The following COL19A1 variants were observed in gnomAD, a reference collection of about 807,000 sequenced individuals.
COL19A1 encodes collagen alpha-1(XIX) chain.
In COL19A1, 159 loss-of-function variants were observed where a neutral mutation model predicts 190.2. The ratio of observed to expected loss-of-function variants is 0.84; its 90% CI spans 0.73 to 0.95. The LOEUF is 0.95. COL19A1 is among the 40% of genes least tolerant of loss of function. COL19A1 has a pLI of 0.00. For synonymous variants in COL19A1, 509 were observed against 458.9 expected (o/e 1.11, Z -1.39); for missense variants, 1,418 against 1,431.9 (o/e 0.99, Z 0.16).
At chr6:69,906,426 A>C (rs1222081488) in intron 4 of COL19A1, among the ~76,000 whole-genome samples, 1 of 152,110 alleles carries the variant, frequency 6.6e-6, no homozygotes, top group Admixed American at 6.5e-5. Flanking sequence ...CTGGAGCCAT[A>C]GTGGGTTTAA....
chr6:69,956,799 G>A (rs1334089176), intron 9 of COL19A1, among the ~76,000 whole-genome samples: 2 of 152,030 alleles, frequency 1.3e-5, no homozygotes, highest in Non-Finnish European at 2.9e-5. Flanking sequence ...GAATGGGGAA[G>A]TATGATATAT....
intron 4 of COL19A1, among the ~76,000 whole-genome samples, chr6:69,924,052 A>G (rs1772185793): frequency 6.6e-6 from 1 of 152,172 alleles, no homozygotes; most frequent in Admixed American, 6.5e-5. Context: ...TGACAGGTAG[A>G]GTCTAATTTC....
chr6:70,211,775 AT>A lies in COL19A1; in HGVS notation c.*4504del, dbSNP rs1312723936. Among the ~76,000 whole-genome samples the A allele has an allele frequency of 9.9e-5, 15 of 152,036 alleles. No individual in the cohort carries two copies. The highest frequency in any genetic ancestry group is 2.1e-4 in the Non-Finnish European group (14 of 67,996). ...AAAATAATGCTAGAGTAACTGATCA[AT>A]TTGGTTAAATTGAATGAAGAACCAA... On this transcript the variant is annotated 3_prime_UTR_variant, in exon 51 of 51. Coordinates refer to ENST00000620364, the MANE Select transcript of COL19A1 (RefSeq NM_001858.6).
chr6:70,068,426 T>C lies in COL19A1; in HGVS notation c.1174T>C (p.Ser392Pro). 1 of 1,592,404 alleles carries C rather than the reference T, an allele frequency of 6.3e-7. No homozygotes were observed. The highest frequency in any genetic ancestry group is 1.1e-5 in the South Asian group (1 of 90,568). ...ATGTGTCTCTTTTTCCTCATAGGGTTCCCTGGGGATACAAGGCCCCCAAGG... is the reference window on the plus strand; with the variant it reads ...ATGTGTCTCTTTTTCCTCATAGGGTCCCCTGGGGATACAAGGCCCCCAAGG... ...GPPGPPALPG[S>P]LGIQGPQGPP... The change falls in exon 15 of 51, where the codon TCC (serine) becomes CCC (proline). Residue 392 changes from serine to proline, a missense_variant. Coordinates refer to ENST00000620364, the MANE Select transcript of COL19A1 (RefSeq NM_001858.6).
chr6:69,937,555 C>G lies in COL19A1; in HGVS notation c.874-483C>G, dbSNP rs76861212. On this transcript the variant is annotated intron_variant, in intron 8 of 50. Transcript: ENST00000620364. ...TGTCTTGGTGGCTTTTTCCAGTGCC[C>G]ATACCTGAGGAAAGGAGAACTTGCC... 5.5e-3 allele frequency among the ~76,000 whole-genome samples: 832 copies of G among 152,138 alleles called. 18 individuals are homozygous for G. The East Asian group carries it at 0.068, about 12-fold the overall frequency.
At chr6:70,018,011 G>A (rs1778213485) in intron 11 of COL19A1, among the ~76,000 whole-genome samples, 1 of 152,052 alleles carries the variant, frequency 6.6e-6, no homozygotes, top group Non-Finnish European at 1.5e-5. Flanking sequence ...AGCTGGAAAT[G>A]ACAGGATATA....
At chr6:69,946,788 C>G (rs184506374) in intron 9 of COL19A1, among the ~76,000 whole-genome samples, 1 of 151,908 alleles carries the variant, frequency 6.6e-6, no homozygotes, top group East Asian at 1.9e-4. Flanking sequence ...ACTCTTTGAT[C>G]AAAATTTATG....
At chr6:70,022,857 A>G (rs780715399) in intron 11 of COL19A1, among the ~76,000 whole-genome samples, 4 of 152,106 alleles carry the variant, frequency 2.6e-5, no homozygotes, top group African/African-American at 4.8e-5. Flanking sequence ...GACAGTTAGG[A>G]TGCTTCTCTT....
At chr6:70,106,336 G>A (rs1001137894) in intron 16 of COL19A1, among the ~76,000 whole-genome samples, 18 of 151,846 alleles carry the variant, frequency 1.2e-4, no homozygotes, top group Non-Finnish European at 1.6e-4. Context: ...GTGCGTGTGT[G>A]TGTGTGTGTG....
At chr6:69,903,639 A>G (rs953124031) in intron 4 of COL19A1, among the ~76,000 whole-genome samples, 7 of 152,158 alleles carry the variant, frequency 4.6e-5, no homozygotes, top group African/African-American at 7.2e-5. Context: ...CTGCTTTTCT[A>G]TCAAGGAATA....
At chr6:69,942,390 T>C (rs1582473659) in intron 9 of COL19A1, among the ~76,000 whole-genome samples, 1 of 152,300 alleles carries the variant, frequency 6.6e-6, no homozygotes, top group Non-Finnish European at 1.5e-5. Context: ...TTCAAGATTT[T>C]CTCTTTTAGC....
chr6:70,028,137 AG>A (rs1778825961), intron 12 of COL19A1, among the ~76,000 whole-genome samples: 1 of 152,210 alleles, frequency 6.6e-6, no homozygotes. Flanking sequence ...ACAGATTAAC[AG>A]GAGAAAAGGC....
chr6:70,190,332 T>G lies in COL19A1; in HGVS notation c.3045T>G (p.Phe1015Leu), dbSNP rs770110401. The G allele has an allele frequency of 6.2e-7, 1 of 1,606,614 alleles. No individual in the cohort carries two copies. Among genetic ancestry groups the G allele is most frequent in the Non-Finnish European group, 8.5e-7 (1 of 1,174,454 alleles). The stretch of plus-strand genomic sequence containing the variant: ...TTCTTCAGGCTGATGCAGTTTCATT[T>G]GAAGAAATAAAGAAGTATATTAATC... ...IPGIPADAVS[F>L]EEIKKYINQE... The change falls in exon 48 of 51, where the codon TTT becomes TTG. Residue 1015 changes from phenylalanine to leucine, a missense_variant. Transcript: ENST00000620364.
chr6:70,146,656 TAGGG>T lies in COL19A1; in HGVS notation c.1771-1_1773del. ...ATATGTATTCATACTTTTTTTCTTT[TAGGG>T]ATTAGATGGAAATCCTGGAGCACCT... On this transcript the variant is annotated splice_acceptor_variant and coding_sequence_variant, in exon 26 of 51. Coordinates refer to ENST00000620364, the MANE Select transcript of COL19A1 (RefSeq NM_001858.6). LOFTEE classifies it high-confidence loss of function. The T allele has an allele frequency of 1.2e-6, 2 of 1,603,804 alleles. No individual in the cohort carries two copies. The highest frequency in any genetic ancestry group is 1.7e-6 in the Non-Finnish European group (2 of 1,175,584).
intron 11 of COL19A1, among the ~76,000 whole-genome samples, chr6:70,016,925 C>T (rs1778143217): frequency 6.6e-6 from 1 of 152,006 alleles, no homozygotes; most frequent in Non-Finnish European, 1.5e-5. Context: ...TGTAAAATGG[C>T]ACTTTGGAAA....
At chr6:70,025,077 TGCAGTG>T (rs1225845579) in intron 12 of COL19A1, among the ~76,000 whole-genome samples, 1 of 149,454 alleles carries the variant, frequency 6.7e-6, no homozygotes, top group African/African-American at 2.5e-5. Flanking sequence ...CAGGCTGGAG[TGCAGTG>T]GCAGTGGCAT....
intron 49 of COL19A1, 120 bp from the exon 50 acceptor site, chr6:70,206,781 C>T (rs976644595): frequency 2.6e-6 from 2 of 770,124 alleles, no homozygotes; most frequent in Non-Finnish European, 4.1e-6. Context: ...AGCTAATATA[C>T]TATTTATTTT....
intron 31 of COL19A1, among the ~76,000 whole-genome samples, chr6:70,152,244 G>A (rs1319539335): frequency 1.3e-5 from 2 of 151,294 alleles, no homozygotes; most frequent in Non-Finnish European, 2.9e-5. Context: ...ACACACACAC[G>A]CACACACACA....
intron 30 of COL19A1, 99 bp downstream of exon 30, chr6:70,150,144 T>C: frequency 6.8e-6 from 8 of 1,182,996 alleles, no homozygotes; most frequent in Non-Finnish European, 1.0e-5. Flanking sequence ...ATTAGAATGC[T>C]CGGTGACTGC....
Sources: gnomAD v4.1 joint callset for allele counts (sites outside exome capture counted in the v4.1 genomes callset) on GRCh38, gnomAD v4.1.1 for gene constraint, MANE v1.5 for transcripts, NCBI Gene and HGNC (gene_info 2026-07-23, HGNC 2026-07-21) for gene names.